The following DESI1 variants were observed in gnomAD, a reference collection of about 807,000 sequenced individuals.
The protein encoded by DESI1 is PPPDE peptidase domain containing 2.
DESI1 carries 17 observed loss-of-function variants against 22.4 expected under a neutral mutation model. The ratio of observed to expected loss-of-function variants is 0.76; its 90% CI spans 0.52 to 1.14. The LOEUF (loss-of-function observed/expected upper bound fraction) is 1.14, where lower values mean the gene tolerates loss of function less well. Ranked by LOEUF, DESI1 falls within the 50% of genes most tolerant of loss-of-function variation. DESI1 has a pLI of 0.00. For synonymous variants in DESI1, 92 were observed against 84.2 expected (o/e 1.09, Z -0.51); for missense variants, 177 against 208.9 (o/e 0.85, Z 0.94).
intron 1 of DESI1, among the ~76,000 whole-genome samples, chr22:41,615,312 G>A (rs2067544274): frequency 6.6e-6 from 1 of 150,870 alleles, no homozygotes; most frequent in African/African-American, 2.4e-5. Flanking sequence ...CAGGCACGGT[G>A]GCGGGCGCCT....
chr22:41,607,948 A>T, intron 1 of DESI1, 87 bp from the exon 2 acceptor site: 1 of 1,487,420 alleles, frequency 6.7e-7, no homozygotes, highest in Admixed American at 1.8e-5. Context: ...ACTCAAACCC[A>T]GGGTAACCTG....
intron 3 of DESI1, 34 bp from the exon 4 acceptor site, chr22:41,604,187 T>TACC (rs1202766372): frequency 6.3e-7 from 1 of 1,594,298 alleles, no homozygotes; most frequent in Non-Finnish European, 8.6e-7. Context: ...GTCATTAAGT[T>TACC]ACCATCTCCA....
intron 3 of DESI1, 93 bp from the exon 4 acceptor site, chr22:41,604,246 C>G: frequency 2.1e-6 from 1 of 471,550 alleles, no homozygotes; most frequent in Non-Finnish European, 3.5e-6. Flanking sequence ...ACACTCTGTT[C>G]TGACTTTTTT....
intron 1 of DESI1, among the ~76,000 whole-genome samples, chr22:41,614,654 G>A (rs557438573): frequency 5.1e-5 from 7 of 136,846 alleles, no homozygotes; most frequent in Non-Finnish European, 7.7e-5. Context: ...GCATGATCTC[G>A]GCTCACTGCA....
intron 1 of DESI1, among the ~76,000 whole-genome samples, chr22:41,619,132 G>C (rs1199725323): frequency 6.6e-6 from 1 of 151,836 alleles, no homozygotes; most frequent in African/African-American, 2.4e-5. Flanking sequence ...AGCTTCCTCA[G>C]TGACTTTGTA....
Position 41,620,758 on chromosome 22 carries a change from T to C in DESI1, c.82A>G (p.Met28Val). 1 of 1,610,206 alleles carries C rather than the reference T, an allele frequency of 6.2e-7. No homozygotes were observed. Among genetic ancestry groups the C allele is most frequent in the Non-Finnish European group, 8.5e-7 (1 of 1,178,438 alleles). ...CTGGCCCCTTCCCCCTCACCCAGCA[T>C]GATGGGGCTGAGCCGCCGGGCCAGG... is the stretch of plus-strand genomic sequence containing the variant. ...KGLARRLSPI[M>V]LGKQLEGIWH... is the part of the protein sequence containing the mutation. Residue 28 changes from methionine to valine, a missense_variant, in exon 1 of 6, where the codon ATG (methionine) becomes GTG (valine). By Grantham distance (21) the Met-to-Val change is conservative. Coordinates refer to ENST00000263256, the MANE Select transcript of DESI1 (RefSeq NM_015704.3).
At chr22:41,604,857 A>G (rs924112152) in intron 3 of DESI1, among the ~76,000 whole-genome samples, 1 of 152,144 alleles carries the variant, frequency 6.6e-6, no homozygotes, top group Admixed American at 6.5e-5. Context: ...AGCTTGGCTT[A>G]GAGCTTTCTG....
chr22:41,620,951 G>C lies in DESI1; in HGVS notation c.-112C>G. On this transcript the variant is annotated 5_prime_UTR_variant, in exon 1 of 6. Transcript: ENST00000263256. ...GGAGGGAGAGGGGGGGACCGAGCCC[G>C]GGCCCGGGCTGAGGGGTGGGGGAGA... The C allele has an allele frequency of 8.0e-7, 1 of 1,251,676 alleles. No homozygotes were observed. The highest frequency in any genetic ancestry group is 1.1e-6 in the Non-Finnish European group (1 of 898,684). The allele number at this position is 1,251,676 out of a possible 1,614,324, so 77.5% of individuals were successfully genotyped here.
intron 1 of DESI1, among the ~76,000 whole-genome samples, chr22:41,610,507 GT>G (rs1285528169): frequency 1.3e-4 from 20 of 152,160 alleles, no homozygotes; most frequent in Non-Finnish European, 2.5e-4. Context: ...TGCTGTTAGT[GT>G]TCCCAGGCTA....
chr22:41,603,225 C>A, intron 5 of DESI1, 34 bp downstream of exon 5: 1 of 1,613,454 alleles, frequency 6.2e-7, no homozygotes, highest in Non-Finnish European at 8.5e-7. Context: ...TCAAGGTTGG[C>A]CAAGGCAGGG....
At chr22:41,604,250 CTTTTTTTTTTTT>C (rs1264626626) in intron 3 of DESI1, 97 bp from the exon 4 acceptor site, 3 of 283,878 alleles carry the variant, frequency 1.1e-5, no homozygotes, top group Non-Finnish European at 1.8e-5. Flanking sequence ...TCTGTTCTGA[CTTTTTTTTTTTT>C]TTTTTTTTTT....
chr22:41,617,146 A>G (rs1191769407), intron 1 of DESI1, among the ~76,000 whole-genome samples: 9 of 152,222 alleles, frequency 5.9e-5, no homozygotes, highest in African/African-American at 1.7e-4. Context: ...ATTTTAAAGG[A>G]ACGTATTACA....
intron 1 of DESI1, among the ~76,000 whole-genome samples, 180 bp downstream of exon 1, chr22:41,620,572 G>A (rs1173798672): frequency 6.6e-6 from 1 of 152,182 alleles, no homozygotes; most frequent in Non-Finnish European, 1.5e-5. Context: ...TATCTGCGAG[G>A]CTAAAGCGGG....
chr22:41,619,184 T>C (rs1043392605), intron 1 of DESI1, among the ~76,000 whole-genome samples: 4 of 152,220 alleles, frequency 2.6e-5, no homozygotes, highest in Non-Finnish European at 5.9e-5. Context: ...TAACAACTGG[T>C]TATCTAGGCC....
intron 3 of DESI1, among the ~76,000 whole-genome samples, chr22:41,606,671 G>T (rs2067482984): frequency 6.6e-6 from 1 of 151,018 alleles, no homozygotes; most frequent in African/African-American, 2.4e-5. Context: ...CTACTCGGGA[G>T]GCTGAGGCAG....
At chr22:41,617,492 G>A (rs2067557655) in intron 1 of DESI1, among the ~76,000 whole-genome samples, 1 of 152,208 alleles carries the variant, frequency 6.6e-6, no homozygotes, top group Non-Finnish European at 1.5e-5. Flanking sequence ...ATTTAGGAAT[G>A]GGAAATCAAT....
intron 1 of DESI1, among the ~76,000 whole-genome samples, chr22:41,614,898 C>CTT (rs978393450): frequency 2.8e-5 from 4 of 141,864 alleles, no homozygotes; most frequent in African/African-American, 8.3e-5. Flanking sequence ...TTTTCTTCTT[C>CTT]TTTTTTTTTT....
At chr22:41,620,555 A>G (rs2067581669) in intron 1 of DESI1, among the ~76,000 whole-genome samples, 197 bp downstream of exon 1, 1 of 152,160 alleles carries the variant, frequency 6.6e-6, no homozygotes, top group Non-Finnish European at 1.5e-5. Context: ...TTCAAACGTG[A>G]GGATGGTATC....
At chr22:41,608,169 T>C (rs2067493821) in intron 1 of DESI1, among the ~76,000 whole-genome samples, 1 of 152,246 alleles carries the variant, frequency 6.6e-6, no homozygotes, top group Non-Finnish European at 1.5e-5. Flanking sequence ...CTTCTCTGTC[T>C]CACGTACAGT....
Sources: gnomAD v4.1 joint callset for allele counts (sites outside exome capture counted in the v4.1 genomes callset) on GRCh38, gnomAD v4.1.1 for gene constraint, MANE v1.5 for transcripts, NCBI Gene and HGNC (gene_info 2026-07-23, HGNC 2026-07-21) for gene names.